The following TRPC4AP variants were observed in gnomAD, a reference collection of about 807,000 sequenced individuals.
TRPC4AP encodes transient receptor potential cation channel subfamily C member 4 associated protein, also known as short transient receptor potential channel 4-associated protein.
Under a neutral mutation model 99.0 loss-of-function variants are expected in TRPC4AP, and 45 were observed. The ratio of observed to expected loss-of-function variants is 0.45; its 90% CI spans 0.36 to 0.58. The LOEUF (loss-of-function observed/expected upper bound fraction) is 0.58. TRPC4AP is among the 20% of genes least tolerant of loss of function. The pLI is 0.00. For missense variants in TRPC4AP, 879 were observed against 985.3 expected (o/e 0.89, Z 1.44); for synonymous variants, 408 against 385.8 (o/e 1.06, Z -0.67).
chr20:35,051,947 CAA>C (rs982128909), intron 5 of TRPC4AP, among the ~76,000 whole-genome samples: 5 of 152,166 alleles, frequency 3.3e-5, no homozygotes, highest in Admixed American at 6.5e-5. Context: ...AGTGGCCACC[CAA>C]AAGGCCATCA....
chr20:35,086,575 GTA>G lies in TRPC4AP; in HGVS notation c.168+6037_168+6038del, dbSNP rs372161656. Among the ~76,000 whole-genome samples, 364 of 89,746 alleles carry G rather than the reference GTA, an allele frequency of 4.1e-3. 17 individuals are homozygous for G. The highest frequency in any genetic ancestry group is 0.015 in the South Asian group (36 of 2,334). 58.9% of individuals were successfully genotyped at this position (89,746 alleles called of 152,430 possible). ...TGTGTGTGTGTGTGTGTGTGTGTGT[GTA>G]TATATATATGAATAAGACTTTATCC... is the stretch of plus-strand genomic sequence containing the variant. On this transcript the variant is annotated intron_variant, in intron 1 of 18. Transcript: ENST00000252015.
At position 35,010,259 on chromosome 20, in the gene TRPC4AP, T is replaced by A; in HGVS notation, c.1439A>T (p.Glu480Val). Reference protein sequence around the residue: ...ENKYLLLNNQELNELSAISLK... With the variant: ...ENKYLLLNNQVLNELSAISLK... ...AGAGATGGCACTGAGTTCATTCAGC[T>A]CCTGGTTGTTGAGTAACAAGTACTT... is the stretch of plus-strand genomic sequence containing the variant. Residue 480 changes from glutamate (E) to valine (V), a missense_variant, in exon 12 of 19, where the codon GAG becomes GTG. Around this residue, in one of 3 missense-constraint regions of TRPC4AP, gnomAD observed 603 missense variants for 631.8 expected, o/e 0.95. Transcript: ENST00000252015. The A allele has an allele frequency of 6.2e-7, 1 of 1,614,176 alleles. No individual in the cohort carries two copies. The highest frequency in any genetic ancestry group is 8.5e-7 in the Non-Finnish European group (1 of 1,180,028).
rs1211298480 is a variant in TRPC4AP at position 35,035,288 on chromosome 20, C to T, written c.886G>A (p.Gly296Ser). 1 of 1,613,778 alleles carries T rather than the reference C, an allele frequency of 6.2e-7. No homozygotes were observed. Among genetic ancestry groups the T allele is most frequent in the African/African-American group, 1.3e-5 (1 of 74,984 alleles). The change falls in exon 8 of 19, where the codon GGC (glycine) becomes AGC (serine). Residue 296 changes from glycine (G) to serine (S), a missense_variant. Transcript: ENST00000252015. ...AGTTTGCAAAGCCGCTCAACAAAGCCAGGAATGCTGAGAAGGGCCGCTGCC... is the reference window on the plus strand; with the variant it reads ...AGTTTGCAAAGCCGCTCAACAAAGCTAGGAATGCTGAGAAGGGCCGCTGCC... ...INQAALLSIPGFVERLCKLAT... is the reference protein window; with the variant it reads ...INQAALLSIPSFVERLCKLAT...
intron 4 of TRPC4AP, 65 bp from the exon 5 acceptor site, chr20:35,055,096 AT>A: frequency 1.0e-5 from 15 of 1,435,802 alleles, no homozygotes; most frequent in South Asian, 3.5e-5. Context: ...CAGTTACCAC[AT>A]TTTTTTCAGC....
rs567596643 is a variant in TRPC4AP, at chr20:35,045,325, C to G, written c.658-613G>C. The stretch of plus-strand genomic sequence containing the variant: ...ATTTTGAAGTTTATCTACACTGATA[C>G]AAGCAGCTGATTCAATCACTTCCCG... On this transcript the variant is annotated intron_variant, in intron 6 of 18. Coordinates refer to ENST00000252015, the MANE Select transcript of TRPC4AP (RefSeq NM_015638.3). 6.3e-4 allele frequency among the ~76,000 whole-genome samples: 96 copies of G among 152,306 alleles called. 4 individuals carry two copies. The South Asian group carries it at 0.019, about 31-fold the overall frequency.
intron 2 of TRPC4AP, among the ~76,000 whole-genome samples, chr20:35,076,416 T>C (rs967563096): frequency 2.0e-5 from 3 of 152,220 alleles, no homozygotes; most frequent in Non-Finnish European, 1.5e-5. Context: ...TGGTCTTTGA[T>C]GATGGTGACA....
intron 6 of TRPC4AP, among the ~76,000 whole-genome samples, chr20:35,047,473 C>A (rs2083587202): frequency 6.6e-6 from 1 of 152,108 alleles, no homozygotes; most frequent in African/African-American, 2.4e-5. Flanking sequence ...TATAATATTC[C>A]ATTGTGTGAA....
intron 5 of TRPC4AP, 65 bp from the exon 6 acceptor site, chr20:35,050,059 T>C: frequency 6.5e-7 from 1 of 1,542,376 alleles, no homozygotes; most frequent in South Asian, 1.2e-5. Context: ...GTACAAGGCA[T>C]CCTTTACAGA....
chr20:35,065,963 G>A lies in TRPC4AP; in HGVS notation c.414+3333C>T, dbSNP rs565371037. Among the ~76,000 whole-genome samples, 25 of 152,334 alleles carry A rather than the reference G, an allele frequency of 1.6e-4. No individual in the cohort carries two copies. The South Asian group carries it at 5.2e-3, about 32-fold the overall frequency. The stretch of plus-strand genomic sequence containing the variant: ...ACCGACACTGCTGTGGAGAGGGAAT[G>A]CGGAGCAGCAGTTAAAGAAGAAAGG... On this transcript the variant is annotated intron_variant, in intron 3 of 18. Transcript: ENST00000252015.
intron 2 of TRPC4AP, among the ~76,000 whole-genome samples, chr20:35,077,050 G>C (rs573224787): frequency 1.6e-4 from 24 of 152,284 alleles, no homozygotes; most frequent in African/African-American, 5.1e-4. Flanking sequence ...CGTGGGCATG[G>C]GACCCTCCAA....
rs544227624 is a variant in TRPC4AP, at chr20:35,078,981, G to A, written c.169-807C>T. 7.7e-4 allele frequency among the ~76,000 whole-genome samples: 117 copies of A among 152,258 alleles called. 1 individual carries two copies. Among genetic ancestry groups the A allele is most frequent in the African/African-American group, 2.6e-3 (107 of 41,554 alleles). On this transcript the variant is annotated intron_variant, in intron 1 of 18. Transcript: ENST00000252015. The stretch of plus-strand genomic sequence containing the variant: ...CTCGGGAGGCTGAGGCAGGAGAACC[G>A]CTTGAACTCGGGAGGCAGAGGTTGC...
intron 1 of TRPC4AP, among the ~76,000 whole-genome samples, chr20:35,090,565 G>A (rs192024492): frequency 0.082 from 12,440 of 151,866 alleles, 596 homozygotes; most frequent in South Asian, 0.13. Flanking sequence ...GTAGAGACGG[G>A]GCTTCGCCAT....
intron 6 of TRPC4AP, among the ~76,000 whole-genome samples, chr20:35,047,012 G>A (rs1408347904): frequency 6.6e-6 from 1 of 152,052 alleles, no homozygotes; most frequent in Admixed American, 6.6e-5. Context: ...GGGACTACAG[G>A]CATGCACCAC....
At chr20:35,027,154 G>A (rs1431222964) in intron 8 of TRPC4AP, among the ~76,000 whole-genome samples, 3 of 152,154 alleles carry the variant, frequency 2.0e-5, no homozygotes, top group African/African-American at 7.2e-5. Context: ...CTTAGTGGTA[G>A]AAGCTTTCAA....
intron 10 of TRPC4AP, among the ~76,000 whole-genome samples, chr20:35,013,433 G>A (rs2082682512): frequency 6.6e-6 from 1 of 152,090 alleles, no homozygotes; most frequent in Non-Finnish European, 1.5e-5. Flanking sequence ...ACAAAAATTA[G>A]CCAGGCATAG....
chr20:35,046,367 G>A (rs1451511841), intron 6 of TRPC4AP, among the ~76,000 whole-genome samples: 2 of 152,054 alleles, frequency 1.3e-5, no homozygotes, highest in Non-Finnish European at 2.9e-5. Context: ...AACCATCCCC[G>A]TGCTACTCAG....
At chr20:35,083,658 A>G (rs569230016) in intron 1 of TRPC4AP, among the ~76,000 whole-genome samples, 1 of 151,526 alleles carries the variant, frequency 6.6e-6, no homozygotes, top group South Asian at 2.1e-4. Context: ...ATACTTCTAT[A>G]CCCAGTCAAA....
At chr20:35,020,768 C>A (rs578262561) in intron 9 of TRPC4AP, among the ~76,000 whole-genome samples, 1 of 152,288 alleles carries the variant, frequency 6.6e-6, no homozygotes, top group Admixed American at 6.5e-5. Context: ...GCTCAGGGAA[C>A]CTTGCACATC....
intron 1 of TRPC4AP, among the ~76,000 whole-genome samples, chr20:35,087,529 G>A (rs894830826): frequency 4.6e-5 from 7 of 152,126 alleles, no homozygotes; most frequent in Non-Finnish European, 8.8e-5. Flanking sequence ...GTCATGACCT[G>A]TAATGTGAGC....
Sources: gnomAD v4.1 joint callset for allele counts (sites outside exome capture counted in the v4.1 genomes callset) on GRCh38, gnomAD v4.1.1 for gene constraint, gnomAD v4.1.1 regional missense constraint, MANE v1.5 for transcripts, NCBI Gene and HGNC (gene_info 2026-07-23, HGNC 2026-07-21) for gene names.